The following OTUD7B variants were observed in gnomAD, a reference collection of about 807,000 sequenced individuals.
OTUD7B encodes the protein OTU deubiquitinase 7B.
In OTUD7B, 34 loss-of-function variants were observed where a neutral mutation model predicts 82.2. The ratio of observed to expected loss-of-function variants is 0.41; its 90% CI spans 0.31 to 0.55. The LOEUF (loss-of-function observed/expected upper bound fraction) is 0.55, where lower values mean the gene tolerates loss of function less well. Among genes scored for constraint, OTUD7B ranks in the 20% least tolerant of loss-of-function variants. The pLI is 0.20. For missense variants in OTUD7B, 944 were observed against 1,062.1 expected (o/e 0.89, Z 1.55); for synonymous variants, 398 against 402.7 (o/e 0.99, Z 0.14).
At chr1:149,952,242 C>T (rs1243360005) in intron 7 of OTUD7B, among the ~76,000 whole-genome samples, 2 of 147,350 alleles carry the variant, frequency 1.4e-5, no homozygotes, top group Non-Finnish European at 3.0e-5. Context: ...ATGTTCCCCA[C>T]CCTGTGTCCA....
At chr1:150,012,106 C>T (rs1432908365), upstream of OTUD7B, among the ~76,000 whole-genome samples, 2 of 152,154 alleles carry the variant, frequency 1.3e-5, no homozygotes, top group Non-Finnish European at 2.9e-5. Context: ...AGTCATTTGG[C>T]GTGGGCTTCA....
At chr1:150,010,774 C>A (rs1223632386), upstream of OTUD7B, 1 of 152,136 alleles carries the variant, frequency 6.6e-6, no homozygotes, top group Non-Finnish European at 1.5e-5. Context: ...CCGGCCGGAG[C>A]GGGTTGGTGG....
chr1:149,971,363 T>G (rs1424732068), intron 2 of OTUD7B, 112 bp from the exon 3 acceptor site: 6 of 589,616 alleles, frequency 1.0e-5, no homozygotes, highest in Non-Finnish European at 1.7e-5. Context: ...ACATAATCAT[T>G]CTTCTTTTCC....
At chr1:150,054,419 C>G in the OTUD7B span, 1 of 534,272 alleles carries the variant, frequency 1.9e-6, no homozygotes, top group Non-Finnish European at 3.7e-6. Flanking sequence ...AGTTCCTCTA[C>G]AAAGAACACA....
the OTUD7B span, among the ~76,000 whole-genome samples, chr1:150,021,182 C>A: frequency 6.6e-6 from 1 of 152,034 alleles, no homozygotes; most frequent in Non-Finnish European, 1.5e-5. Context: ...CAGATTTTTC[C>A]CCCTTCGGGT....
At chr1:150,043,156 G>T in the OTUD7B span, among the ~76,000 whole-genome samples, 4 of 152,138 alleles carry the variant, frequency 2.6e-5, no homozygotes, top group East Asian at 7.8e-4. Flanking sequence ...GAATCTCTAG[G>T]GGGAGGGCTC....
rs1308407788 is a variant in OTUD7B at position 149,943,135 on chromosome 1, CA to C, written c.*721del. 1 of 152,570 alleles carries C rather than the reference CA, an allele frequency of 6.6e-6. No individual in the cohort carries two copies. The highest frequency in any genetic ancestry group is 2.4e-5 in the African/African-American group (1 of 41,448). 9.5% of individuals were successfully genotyped at this position (152,570 alleles called of 1,614,324 possible). A position where few individuals can be genotyped will look rare whatever the true frequency, so the allele number is the denominator to read the frequency against. On this transcript the variant is annotated 3_prime_UTR_variant, in exon 12 of 12. Transcript: ENST00000581312. ...ATTAAAGACTTAGATGAGGAAAAGA[CA>C]GGGGGTAATCAGCAATCTCTTCTCA... is the stretch of plus-strand genomic sequence containing the variant.
At chr1:149,962,926 A>C (rs1553775844) in intron 6 of OTUD7B, 1 of 152,182 alleles carries the variant, frequency 6.6e-6, no homozygotes, top group African/African-American at 2.4e-5. Flanking sequence ...TTTTGGTGCT[A>C]AAAAAGAATG....
At chr1:149,988,423 C>A (rs1426485687) in intron 1 of OTUD7B, among the ~76,000 whole-genome samples, 4 of 152,070 alleles carry the variant, frequency 2.6e-5, no homozygotes, top group Non-Finnish European at 5.9e-5. Flanking sequence ...ATATAAAACT[C>A]CAACAGACAA....
intron 5 of OTUD7B, among the ~76,000 whole-genome samples, chr1:149,964,695 G>T (rs1355555208): frequency 2.0e-5 from 3 of 151,758 alleles, no homozygotes; most frequent in African/African-American, 7.3e-5. Flanking sequence ...CCATGTTCAA[G>T]AGATTCTCCT....
intron 7 of OTUD7B, 92 bp downstream of exon 7, chr1:149,959,592 C>T (rs1315156138): frequency 3.9e-6 from 3 of 769,286 alleles, no homozygotes; most frequent in Non-Finnish European, 6.9e-6. Context: ...CTTCTAATAT[C>T]CTCTTAGCAC....
chr1:149,957,813 G>C (rs587722843), intron 7 of OTUD7B, among the ~76,000 whole-genome samples: 1 of 152,180 alleles, frequency 6.6e-6, no homozygotes, highest in Admixed American at 6.5e-5. Context: ...GCAAGCCTCC[G>C]CAGGCATGGG....
chr1:149,950,291 G>A, intron 7 of OTUD7B, 70 bp from the exon 8 acceptor site: 1 of 1,494,736 alleles, frequency 6.7e-7, no homozygotes, highest in Non-Finnish European at 9.2e-7. Context: ...AGGAGACCCT[G>A]AAGACCAGTT....
At chr1:149,975,529 T>C (rs1267685281) in intron 2 of OTUD7B, among the ~76,000 whole-genome samples, 1 of 152,178 alleles carries the variant, frequency 6.6e-6, no homozygotes, top group African/African-American at 2.4e-5. Context: ...CACTCATAAG[T>C]GTTCAACACA....
At chr1:149,976,786 A>G (rs1650350104) in intron 2 of OTUD7B, among the ~76,000 whole-genome samples, 3 of 152,048 alleles carry the variant, frequency 2.0e-5, no homozygotes, top group Admixed American at 2.0e-4. Flanking sequence ...TGAAAACCCT[A>G]AAGTCACTTC....
intron 3 of OTUD7B, among the ~76,000 whole-genome samples, chr1:149,968,309 G>A (rs1211357341): frequency 2.6e-5 from 4 of 151,058 alleles, no homozygotes; most frequent in Non-Finnish European, 4.4e-5. Context: ...ACACATTTGG[G>A]AACTTTCTTC....
chr1:149,968,567 T>G (rs1371967063), intron 3 of OTUD7B, among the ~76,000 whole-genome samples: 1 of 152,224 alleles, frequency 6.6e-6, no homozygotes, highest in African/African-American at 2.4e-5. Context: ...ATGTAATGAT[T>G]TAATGATGAT....
intron 6 of OTUD7B, chr1:149,963,564 T>TG (rs1356119386): frequency 2.0e-5 from 3 of 150,834 alleles, no homozygotes; most frequent in Non-Finnish European, 3.0e-5. Flanking sequence ...TTTTTGTTTT[T>TG]TTTTTTCTTA....
upstream of OTUD7B, among the ~76,000 whole-genome samples, chr1:150,012,719 G>T (rs2101962782): frequency 6.6e-6 from 1 of 152,314 alleles, no homozygotes; most frequent in East Asian, 1.9e-4. Context: ...ACACTTTATA[G>T]GCTTGCCTGG....
Sources: gnomAD v4.1 joint callset for allele counts (sites outside exome capture counted in the v4.1 genomes callset) on GRCh38, gnomAD v4.1.1 for gene constraint, MANE v1.5 for transcripts, NCBI Gene and HGNC (gene_info 2026-07-23, HGNC 2026-07-21) for gene names.